The following GAS2 variants were observed in gnomAD, a reference collection of about 807,000 sequenced individuals.
GAS2 encodes the protein growth arrest-specific protein 2.
Under a neutral mutation model 37.5 loss-of-function variants are expected in GAS2, and 20 were observed. That is an observed-to-expected ratio of 0.53 (90% confidence interval 0.37 to 0.77). The LOEUF is 0.77. Among genes scored for constraint, GAS2 ranks in the 30% least tolerant of loss-of-function variants. GAS2 has a pLI of 0.00. For missense variants in GAS2, 336 were observed against 373.4 expected, an observed-to-expected ratio of 0.90 and a Z score of 0.82; for synonymous variants, 144 against 132.2, an observed-to-expected ratio of 1.09 and a Z score of -0.61.
intron 7 of GAS2, among the ~76,000 whole-genome samples, chr11:22,804,183 TACAA>T (rs1162611755): frequency 2.0e-5 from 3 of 152,070 alleles, no homozygotes; most frequent in Admixed American, 6.6e-5. Flanking sequence ...ACCATGAGGT[TACAA>T]ACAGAGAATG....
chr11:22,747,605 C>A (rs1311383961), intron 5 of GAS2, among the ~76,000 whole-genome samples: 1 of 151,970 alleles, frequency 6.6e-6, no homozygotes, highest in African/African-American at 2.4e-5. Flanking sequence ...TTGCATGTCA[C>A]CTTTACAGCT....
At chr11:22,727,877 A>G (rs1852290180) in intron 4 of GAS2, among the ~76,000 whole-genome samples, 2 of 152,008 alleles carry the variant, frequency 1.3e-5, no homozygotes, top group Non-Finnish European at 2.9e-5. Flanking sequence ...GGGGTGTAAA[A>G]GAATTATTTG....
At chr11:22,639,065 T>C (rs1858877284) in intron 1 of GAS2, among the ~76,000 whole-genome samples, 1 of 152,138 alleles carries the variant, frequency 6.6e-6, no homozygotes, top group South Asian at 2.1e-4. Flanking sequence ...TATAGAGATT[T>C]CTAGTAGAAA....
rs144613020 is a variant in GAS2 at position 22,759,212 on chromosome 11, A to G, written c.723+3259A>G. Reference sequence around the variant, plus strand: ...CGGGAAGATATTTTCTGCAGAGAATATCTTTACTAAGCATATGTCTTGTCT... The same window carrying G: ...CGGGAAGATATTTTCTGCAGAGAATGTCTTTACTAAGCATATGTCTTGTCT... On this transcript the variant is annotated intron_variant, in intron 7 of 7. Transcript: ENST00000454584. 8.1e-4 allele frequency among the ~76,000 whole-genome samples: 124 copies of G among 152,352 alleles called. 1 individual carries two copies. The highest frequency in any genetic ancestry group is 2.8e-3 in the African/African-American group (118 of 41,570).
chr11:22,697,911 C>T (rs530084770), intron 3 of GAS2, among the ~76,000 whole-genome samples: 11 of 152,302 alleles, frequency 7.2e-5, no homozygotes, highest in African/African-American at 2.6e-4. Context: ...TTGACTTCCT[C>T]TTTTCCTAAT....
chr11:22,738,618 G>A (rs1852881796), intron 5 of GAS2, among the ~76,000 whole-genome samples: 1 of 152,142 alleles, frequency 6.6e-6, no homozygotes, highest in Non-Finnish European at 1.5e-5. Context: ...GTAAGATAAA[G>A]TGAGAACTAA....
intron 7 of GAS2, among the ~76,000 whole-genome samples, chr11:22,775,521 G>A (rs1161566223): frequency 6.6e-6 from 1 of 152,160 alleles, no homozygotes; most frequent in Non-Finnish European, 1.5e-5. Context: ...GTTTCAAAAT[G>A]TCAGAATTTC....
chr11:22,647,998 C>T (rs1848723917), intron 1 of GAS2, among the ~76,000 whole-genome samples: 1 of 152,166 alleles, frequency 6.6e-6, no homozygotes, highest in Admixed American at 6.5e-5. Flanking sequence ...AGTCCTTGCC[C>T]ATACCTATGT....
chr11:22,699,368 GT>G (rs1850710434), intron 3 of GAS2, among the ~76,000 whole-genome samples: 1 of 152,042 alleles, frequency 6.6e-6, no homozygotes, highest in Non-Finnish European at 1.5e-5. Context: ...GGGGAATCAG[GT>G]GACAGGTAGA....
chr11:22,761,323 G>A (rs1854381731), intron 7 of GAS2, among the ~76,000 whole-genome samples: 1 of 152,136 alleles, frequency 6.6e-6, no homozygotes, highest in Non-Finnish European at 1.5e-5. Context: ...TTTATGAAAT[G>A]GATGCAGACA....
In GAS2 at chr11:22,811,900, C is replaced by T. The variant is rs767026081; in HGVS notation, c.826C>T (p.Arg276Cys). 6 of 1,613,964 alleles carry T rather than the reference C, an allele frequency of 3.7e-6. No homozygotes were observed. The highest frequency in any genetic ancestry group is 2.2e-5 in the South Asian group (2 of 91,084). The change falls in exon 8 of 8, where the codon CGT (arginine) becomes TGT (cysteine). Residue 276 changes from arginine to cysteine, a missense_variant. By Grantham distance (180) the Arg-to-Cys change is radical. Coordinates refer to ENST00000454584, the MANE Select transcript of GAS2 (RefSeq NM_001143830.3). ...HDPCRMLQIS[R>C]VDGKTSPIQS... ...CCCCTGCCGAATGCTGCAGATCTCCCGTGTGGATGGCAAAACATCCCCTAT... is the reference window on the plus strand; with the variant it reads ...CCCCTGCCGAATGCTGCAGATCTCCTGTGTGGATGGCAAAACATCCCCTAT...
chr11:22,754,608 C>CT lies in GAS2; in HGVS notation c.616-1229dup, dbSNP rs538022570. 1.8e-3 allele frequency among the ~76,000 whole-genome samples: 273 copies of CT among 149,946 alleles called. 3 individuals carry two copies. In the South Asian group the frequency reaches 0.019, roughly 11 times the overall value. ...TAAATTTAATTTCAGGGTTTTTTTC[C>CT]TTTTTTTTTGGTTATTCTTCTATTG... is the stretch of plus-strand genomic sequence containing the variant. On this transcript the variant is annotated intron_variant, in intron 6 of 7. Coordinates refer to ENST00000454584, the MANE Select transcript of GAS2 (RefSeq NM_001143830.3).
chr11:22,651,987 G>T (rs1169771362), intron 1 of GAS2, among the ~76,000 whole-genome samples: 2 of 152,216 alleles, frequency 1.3e-5, no homozygotes, highest in Non-Finnish European at 2.9e-5. Context: ...TGGAGGAGGA[G>T]AGGTGCTCTG....
In GAS2 at chr11:22,793,356, A is replaced by C. The variant is rs995794850; in HGVS notation, c.724-18442A>C. On this transcript the variant is annotated intron_variant, in intron 7 of 7. Transcript: ENST00000454584. Reference sequence around the variant, plus strand: ...AGTGAGTTTTATGTATAGATAATGAAATTGGTTTATAATTTTCTTCTATGT... The same window carrying C: ...AGTGAGTTTTATGTATAGATAATGACATTGGTTTATAATTTTCTTCTATGT... Among the ~76,000 whole-genome samples the C allele has an allele frequency of 3.9e-5, 6 of 152,278 alleles. No individual in the cohort carries two copies. In the South Asian group the frequency reaches 1.2e-3, roughly 32 times the overall value.
chr11:22,790,614 G>A (rs1856106978), intron 7 of GAS2, among the ~76,000 whole-genome samples: 1 of 127,460 alleles, frequency 7.8e-6, no homozygotes, highest in East Asian at 2.6e-4. Context: ...TTTTTTGACA[G>A]AGTCTCGCTC....
intron 1 of GAS2, among the ~76,000 whole-genome samples, chr11:22,644,965 T>C (rs982208005): frequency 6.6e-6 from 1 of 152,148 alleles, no homozygotes; most frequent in Non-Finnish European, 1.5e-5. Context: ...GTCTTCACCT[T>C]CCCTCTTGTT....
chr11:22,728,101 A>G (rs1231173799), intron 4 of GAS2, among the ~76,000 whole-genome samples: 1 of 152,038 alleles, frequency 6.6e-6, no homozygotes, highest in Non-Finnish European at 1.5e-5. Context: ...TTCATTGTAC[A>G]ATTTTTCATT....
intron 2 of GAS2, among the ~76,000 whole-genome samples, chr11:22,684,344 G>C (rs1218859333): frequency 6.6e-6 from 1 of 152,150 alleles, no homozygotes; most frequent in Non-Finnish European, 1.5e-5. Context: ...TTTTAGCAGT[G>C]AGCATGGTAT....
At chr11:22,722,914 A>G (rs548884599) in intron 3 of GAS2, among the ~76,000 whole-genome samples, 120 of 152,054 alleles carry the variant, frequency 7.9e-4, no homozygotes, top group Non-Finnish European at 1.6e-3. Context: ...CAGTTAGTTA[A>G]TGGAAAACTA....
Sources: allele counts gnomAD v4.1 joint callset (sites outside exome capture counted in the v4.1 genomes callset), GRCh38; gene constraint gnomAD v4.1.1; transcripts MANE v1.5; gene names NCBI Gene and HGNC (gene_info 2026-07-23, HGNC 2026-07-21).